RIMBP2: variants seen among roughly 807,000 people sequenced by gnomAD.
The protein encoded by RIMBP2 is RIMS binding protein 2.
In RIMBP2, 48 loss-of-function variants were observed where a neutral mutation model predicts 118.6. That is an observed-to-expected ratio of 0.40 (90% CI 0.32 to 0.51). RIMBP2 has a LOEUF of 0.51. RIMBP2 is among the 20% of genes least tolerant of loss of function. The probability of loss-of-function intolerance (pLI) is 0.41; values close to 1 mark genes in which losing one functional copy is unlikely to be tolerated. For missense variants in RIMBP2, 1,551 were observed against 1,768.3 expected (o/e 0.88, Z 2.20); for synonymous variants, 762 against 742.9 (o/e 1.03, Z -0.42).
intron 17 of RIMBP2, among the ~76,000 whole-genome samples, chr12:130,415,328 A>C (rs2076034999): frequency 6.6e-6 from 1 of 152,236 alleles, no homozygotes; most frequent in South Asian, 2.1e-4. Context: ...GTGCAGAAAA[A>C]GCTTGCAATA....
chr12:130,526,131 C>T (rs1242476426), intron 2 of RIMBP2, among the ~76,000 whole-genome samples: 1 of 152,114 alleles, frequency 6.6e-6, no homozygotes, highest in Non-Finnish European at 1.5e-5. Flanking sequence ...GGTATCTTCC[C>T]TTGCACTAGA....
Position 130,424,921 on chromosome 12 carries a change from G to T in RIMBP2, c.2413-63C>A. 3 of 995,136 alleles carry T rather than the reference G, an allele frequency of 3.0e-6. No individual in the cohort carries two copies. Among genetic ancestry groups the T allele is most frequent in the Non-Finnish European group, 3.9e-6 (3 of 771,772 alleles). The allele number at this position is 995,136 out of a possible 1,614,324, so 61.6% of individuals were successfully genotyped here. On this transcript the variant is annotated intron_variant, in intron 15 of 22. Transcript: ENST00000690449. The surrounding 1 kb of genome is among the most constrained non-coding windows in gnomAD (Gnocchi z 9.8). ...AGTGTGTGGTCAGCATGAAGTGGGG[G>T]CCAGGGGAGGAAAGAAAATACAGAC...
chr12:130,500,594 G>C (rs560773333), intron 4 of RIMBP2, among the ~76,000 whole-genome samples: 19 of 149,766 alleles, frequency 1.3e-4, no homozygotes, highest in Admixed American at 2.7e-4. Flanking sequence ...CGGCACATCA[G>C]TGATATTTGG....
chr12:130,463,967 A>T (rs1268721794), intron 6 of RIMBP2, among the ~76,000 whole-genome samples: 1 of 152,072 alleles, frequency 6.6e-6, no homozygotes, highest in African/African-American at 2.4e-5. Flanking sequence ...ATTGGCTGCT[A>T]AAAGACACTC....
intron 2 of RIMBP2, among the ~76,000 whole-genome samples, chr12:130,597,395 C>A (rs1353946731): frequency 6.6e-6 from 1 of 152,150 alleles, no homozygotes; most frequent in Non-Finnish European, 1.5e-5. Flanking sequence ...AGGCACATGC[C>A]ACCACACCCA....
At chr12:130,436,316 C>T (rs949768303) in intron 13 of RIMBP2, among the ~76,000 whole-genome samples, 7 of 152,118 alleles carry the variant, frequency 4.6e-5, no homozygotes, top group African/African-American at 7.2e-5. Flanking sequence ...TCTATATGTC[C>T]GTATGCGTTT....
At chr12:130,403,851 G>C (rs1411704889) in intron 21 of RIMBP2, among the ~76,000 whole-genome samples, 1 of 152,106 alleles carries the variant, frequency 6.6e-6, no homozygotes, top group Non-Finnish European at 1.5e-5. Flanking sequence ...TATTATATAT[G>C]ATGGCCAGTA....
chr12:130,486,367 G>C (rs1258958636), intron 4 of RIMBP2, among the ~76,000 whole-genome samples: 1 of 152,058 alleles, frequency 6.6e-6, no homozygotes, highest in African/African-American at 2.4e-5. Context: ...AATCCTGGAG[G>C]GGCCACGGCT....
intron 1 of RIMBP2, among the ~76,000 whole-genome samples, chr12:130,708,155 G>A (rs1303519416): frequency 1.3e-5 from 2 of 152,174 alleles, no homozygotes; most frequent in Non-Finnish European, 2.9e-5. Flanking sequence ...TGTGTAGTAT[G>A]ATTCTGTTCA....
At chr12:130,439,693 ACGTGGG>A in intron 11 of RIMBP2, among the ~76,000 whole-genome samples, 1 of 32,988 alleles carries the variant, frequency 3.0e-5, no homozygotes, top group Admixed American at 4.5e-4. Context: ...GTTTTTGTGT[ACGTGGG>A]TCTGTGGGGG....
chr12:130,690,334 T>C (rs1198429925), intron 1 of RIMBP2, among the ~76,000 whole-genome samples: 3 of 152,134 alleles, frequency 2.0e-5, no homozygotes, highest in African/African-American at 7.2e-5. Flanking sequence ...TGCTGGGCAC[T>C]GCTAGGGGTC....
In RIMBP2 at chr12:130,664,393, A is replaced by G. The variant is rs12810697; in HGVS notation, c.-351-35937T>C. Among the ~76,000 whole-genome samples the G allele has an allele frequency of 5.5e-3, 318 of 57,952 alleles. 8 individuals carry two copies. The highest frequency in any genetic ancestry group is 0.012 in the South Asian group (20 of 1,722). The allele number at this position is 57,952 out of a possible 152,430, so 38.0% of individuals were successfully genotyped here. A position where few individuals can be genotyped will look rare whatever the true frequency, so the allele number is the denominator to read the frequency against. On this transcript the variant is annotated intron_variant, in intron 1 of 22. Coordinates refer to ENST00000690449, the MANE Select transcript of RIMBP2 (RefSeq NM_001393629.1). ...CGTGCATGCACGCACGCGCATGCAC[A>G]CACACGCACGCACGCACGCACACAC...
At position 130,539,888 on chromosome 12, in the gene RIMBP2, G is replaced by C. The variant is rs12809960; in HGVS notation, c.-216-21971C>G. ...TGGCAAATGCAGTAGATGAGGTGGC[G>C]AGGTGTAGGCTATGGCAAATGCAGT... On this transcript the variant is annotated intron_variant, in intron 2 of 22. Transcript: ENST00000690449. Among the ~76,000 whole-genome samples, 43 of 120,154 alleles carry C rather than the reference G, an allele frequency of 3.6e-4. 3 individuals carry two copies. Among genetic ancestry groups the C allele is most frequent in the East Asian group, 6.2e-4 (2 of 3,208 alleles). 78.8% of individuals were successfully genotyped at this position (120,154 alleles called of 152,430 possible). A position where few individuals can be genotyped will look rare whatever the true frequency, so the allele number is the denominator to read the frequency against.
intron 1 of RIMBP2, among the ~76,000 whole-genome samples, chr12:130,707,781 C>T (rs59201620): frequency 0.038 from 5,721 of 151,952 alleles, 377 homozygotes; most frequent in African/African-American, 0.13. Context: ...CGAGGCGGCC[C>T]GAGCAAGAAG....
At chr12:130,445,482 C>T (rs1439199154) in intron 9 of RIMBP2, among the ~76,000 whole-genome samples, 14 of 152,158 alleles carry the variant, frequency 9.2e-5, no homozygotes, top group African/African-American at 2.4e-5. Context: ...AAATGCAATT[C>T]GGAAATGAAG....
intron 1 of RIMBP2, among the ~76,000 whole-genome samples, chr12:130,631,842 A>ATTACATGCATGCACTTTCAAG (rs1240055810): frequency 2.0e-5 from 3 of 152,190 alleles, no homozygotes; most frequent in African/African-American, 7.2e-5. Context: ...AATTTTTCAA[A>ATTACATGCATGCACTTTCAAG]TTACATGCAT....
rs565782061 is a variant in RIMBP2, at chr12:130,659,715, G to A, written c.-351-31259C>T. ...CGGCCGGGCACGGTGGCTCATGCCC[G>A]TAATCCCAGCATTTTGGGAGGCCAA... On this transcript the variant is annotated intron_variant, in intron 1 of 22. Coordinates refer to ENST00000690449, the MANE Select transcript of RIMBP2 (RefSeq NM_001393629.1). Among the ~76,000 whole-genome samples the A allele has an allele frequency of 3.9e-5, 6 of 151,982 alleles. 1 individual carries two copies. Among genetic ancestry groups the A allele is most frequent in the South Asian group, 4.2e-4 (2 of 4,810 alleles).
intron 6 of RIMBP2, among the ~76,000 whole-genome samples, chr12:130,457,332 T>C (rs1298991685): frequency 6.6e-6 from 1 of 152,178 alleles, no homozygotes; most frequent in African/African-American, 2.4e-5. Context: ...TCGGGAGCCC[T>C]GGGGAAGGCA....
At chr12:130,514,755 T>C (rs905732043) in intron 3 of RIMBP2, among the ~76,000 whole-genome samples, 1 of 152,184 alleles carries the variant, frequency 6.6e-6, no homozygotes, top group African/African-American at 2.4e-5. Context: ...CACTAAGCCT[T>C]ATGATGCATT....
Sources: allele counts gnomAD v4.1 joint callset (sites outside exome capture counted in the v4.1 genomes callset), GRCh38; gene constraint gnomAD v4.1.1; non-coding constraint Gnocchi (gnomAD v3.1); transcripts MANE v1.5; gene names NCBI Gene and HGNC (gene_info 2026-07-23, HGNC 2026-07-21).